The following CREB5 variants were observed in gnomAD, a reference collection of about 807,000 sequenced individuals.
The protein encoded by CREB5 is cAMP responsive element binding protein 5, also known as cyclic AMP-responsive element-binding protein 5.
In CREB5, 19 loss-of-function variants were observed where a neutral mutation model predicts 57.1. The ratio of observed to expected loss-of-function variants is 0.33; its 90% CI spans 0.23 to 0.49. The LOEUF (loss-of-function observed/expected upper bound fraction) is 0.49. Among genes scored for constraint, CREB5 ranks in the 20% least tolerant of loss-of-function variants. The probability of loss-of-function intolerance (pLI) is 0.99; values close to 1 mark genes in which losing one functional copy is unlikely to be tolerated. For synonymous variants in CREB5, 238 were observed against 238.3 expected, an observed-to-expected ratio of 1.00 and a Z score of 0.01; for missense variants, 579 against 671.6, an observed-to-expected ratio of 0.86 and a Z score of 1.52.
At chr7:28,362,503 A>C (rs1175302069) in intron 1 of CREB5, among the ~76,000 whole-genome samples, 1 of 152,196 alleles carries the variant, frequency 6.6e-6, no homozygotes, top group African/African-American at 2.4e-5. Flanking sequence ...ATACCTGTGA[A>C]ACTCAAGTGC....
At chr7:28,762,407 T>C (rs1805710815) in intron 7 of CREB5, among the ~76,000 whole-genome samples, 1 of 152,248 alleles carries the variant, frequency 6.6e-6, no homozygotes, top group South Asian at 2.1e-4. Context: ...CAACCCTTTA[T>C]TTTGTAACTT....
chr7:28,325,500 G>A (rs961328021), intron 1 of CREB5, among the ~76,000 whole-genome samples: 2 of 151,664 alleles, frequency 1.3e-5, no homozygotes, highest in African/African-American at 4.8e-5. Flanking sequence ...AAACCATTCC[G>A]AAGGCTTCCC....
chr7:28,450,805 T>C (rs1290632994), intron 1 of CREB5, among the ~76,000 whole-genome samples: 1 of 152,226 alleles, frequency 6.6e-6, no homozygotes, highest in Admixed American at 6.5e-5. Context: ...CTTTTTGAAA[T>C]AGTAATTTTC....
intron 1 of CREB5, among the ~76,000 whole-genome samples, chr7:28,439,611 C>G (rs539690991): frequency 7.9e-4 from 120 of 152,198 alleles, no homozygotes; most frequent in Non-Finnish European, 1.4e-3. Context: ...GGTCACAGAG[C>G]CAATAAATGA....
At chr7:28,805,813 G>A (rs1382650492) in intron 8 of CREB5, among the ~76,000 whole-genome samples, 13 of 152,130 alleles carry the variant, frequency 8.5e-5, no homozygotes, top group Non-Finnish European at 7.4e-5. Context: ...ATGGGGCTGG[G>A]TAATAGTAGA....
intron 1 of CREB5, among the ~76,000 whole-genome samples, chr7:28,302,527 T>C (rs1182611260): frequency 1.3e-5 from 2 of 152,166 alleles, no homozygotes; most frequent in African/African-American, 4.8e-5. Context: ...GGAGGAGATA[T>C]TAGATTTTGA....
At chr7:28,640,064 T>C (rs903224733) in intron 5 of CREB5, among the ~76,000 whole-genome samples, 1 of 152,172 alleles carries the variant, frequency 6.6e-6, no homozygotes, top group Non-Finnish European at 1.5e-5. Flanking sequence ...TGGTTGAAAC[T>C]GTTAACCTTA....
At chr7:28,350,074 G>A (rs1195362457) in intron 1 of CREB5, among the ~76,000 whole-genome samples, 3 of 152,288 alleles carry the variant, frequency 2.0e-5, no homozygotes, top group South Asian at 2.1e-4. Context: ...ATGGATACAG[G>A]CATTCAGCCA....
chr7:28,701,133 A>T (rs1440718934), intron 5 of CREB5, among the ~76,000 whole-genome samples: 3 of 152,180 alleles, frequency 2.0e-5, no homozygotes, highest in Admixed American at 1.3e-4. Flanking sequence ...TTAGGGATGC[A>T]AATGTGCAGC....
intron 1 of CREB5, among the ~76,000 whole-genome samples, chr7:28,439,722 A>G (rs11983399): frequency 0.25 from 38,552 of 152,116 alleles, 5,322 homozygotes; most frequent in Middle Eastern, 0.35. Context: ...TTCAAAGGTG[A>G]AGGAAGCTAT....
chr7:28,780,548 C>T (rs1399508297), intron 7 of CREB5, among the ~76,000 whole-genome samples: 2 of 151,932 alleles, frequency 1.3e-5, no homozygotes, highest in Admixed American at 1.3e-4. Context: ...GTGGTGAAAC[C>T]CTGTCTCTAC....
intron 1 of CREB5, among the ~76,000 whole-genome samples, chr7:28,454,982 C>T (rs1359667994): frequency 1.3e-5 from 2 of 152,114 alleles, no homozygotes; most frequent in South Asian, 2.1e-4. Flanking sequence ...TGTAATTGTG[C>T]GGAGTGGATC....
intron 1 of CREB5, among the ~76,000 whole-genome samples, chr7:28,458,438 T>C (rs185296815): frequency 6.6e-6 from 1 of 152,264 alleles, no homozygotes; most frequent in Non-Finnish European, 1.5e-5. Context: ...TTCAAACTTA[T>C]GTAAAGTTGG....
chr7:28,410,523 T>C, upstream of CREB5: 1 of 456,676 alleles, frequency 2.2e-6, no homozygotes, highest in Non-Finnish European at 4.4e-6. Flanking sequence ...GCCATAGATT[T>C]ATTTTTAAGG....
intron 4 of CREB5, chr7:28,513,425 G>A (rs1792800684): frequency 1.4e-5 from 2 of 143,094 alleles, no homozygotes; most frequent in Non-Finnish European, 3.0e-5. Flanking sequence ...CCTAGTAGAT[G>A]AGGCTGCTTT....
At chr7:28,413,127 A>T (rs1787873741) in intron 1 of CREB5, among the ~76,000 whole-genome samples, 2 of 108,368 alleles carry the variant, frequency 1.8e-5, no homozygotes, top group African/African-American at 3.4e-5. Flanking sequence ...TGTGTGTGTG[A>T]ATAAGACTAT....
intron 1 of CREB5, among the ~76,000 whole-genome samples, chr7:28,375,377 G>A (rs1786803169): frequency 6.6e-6 from 1 of 152,146 alleles, no homozygotes; most frequent in Non-Finnish European, 1.5e-5. Context: ...TGGTAGTGGG[G>A]GTTGGGGGCA....
chr7:28,385,119 A>G (rs938298561), intron 1 of CREB5, among the ~76,000 whole-genome samples: 3 of 152,208 alleles, frequency 2.0e-5, no homozygotes, highest in African/African-American at 7.2e-5. Context: ...AAATAATGAT[A>G]AAATAGTACT....
At chr7:28,679,213 A>T (rs556642028) in intron 5 of CREB5, among the ~76,000 whole-genome samples, 3 of 152,278 alleles carry the variant, frequency 2.0e-5, no homozygotes, top group African/African-American at 7.2e-5. Context: ...ATATTCAGAA[A>T]GCAGATACTG....
Sources: allele counts gnomAD v4.1 joint callset (sites outside exome capture counted in the v4.1 genomes callset), GRCh38; gene constraint gnomAD v4.1.1; transcripts MANE v1.5; gene names NCBI Gene and HGNC (gene_info 2026-07-23, HGNC 2026-07-21).